Variants in TF observed in about 807,000 individuals in gnomAD.
The protein encoded by TF is transferrin, also known as serotransferrin.
In TF, 55 loss-of-function variants were observed where a neutral mutation model predicts 82.4. The ratio of observed to expected loss-of-function variants is 0.67; its 90% confidence interval spans 0.54 to 0.84. TF has a LOEUF of 0.84. TF is among the 40% of genes least tolerant of loss of function. TF has a pLI of 0.00. For missense variants in TF, 737 were observed against 868.4 expected (o/e 0.85, Z 1.90); for synonymous variants, 332 against 332.6 (o/e 1.00, Z 0.02).
chr3:133,743,499 G>T (rs951137288), upstream of TF, among the ~76,000 whole-genome samples: 12 of 152,230 alleles, frequency 7.9e-5, no homozygotes, highest in South Asian at 2.1e-3. Context: ...GAGAGGCAGT[G>T]TCCCTGGTGG....
At chr3:133,669,371 T>G in the TF span, among the ~76,000 whole-genome samples, 1 of 152,158 alleles carries the variant, frequency 6.6e-6, no homozygotes, top group Non-Finnish European at 1.5e-5. Context: ...TGTCTAAAAG[T>G]CTGTTTTCTG....
chr3:133,736,354 C>T, the TF span, among the ~76,000 whole-genome samples: 1 of 152,118 alleles, frequency 6.6e-6, no homozygotes, highest in Non-Finnish European at 1.5e-5. Context: ...AAAAACATAA[C>T]AAATTGTAAA....
intron 12 of TF, among the ~76,000 whole-genome samples, chr3:133,767,647 C>A (rs568834334): frequency 1.3e-5 from 2 of 152,232 alleles, no homozygotes; most frequent in Non-Finnish European, 2.9e-5. Context: ...AGCAAAGGCT[C>A]TTCTAATGAA....
At chr3:133,711,731 G>A in the TF span, among the ~76,000 whole-genome samples, 1 of 152,158 alleles carries the variant, frequency 6.6e-6, no homozygotes, top group Admixed American at 6.5e-5. Flanking sequence ...GTGCAGATAT[G>A]ACCATATCCA....
the TF span, chr3:133,691,953 T>C: frequency 1.3e-5 from 2 of 152,718 alleles, no homozygotes; most frequent in Non-Finnish European, 2.9e-5. Flanking sequence ...CTCTTTGCAT[T>C]GAAGGAGGCT....
the TF span, chr3:133,709,385 T>C: frequency 6.5e-6 from 1 of 152,774 alleles, no homozygotes; most frequent in Non-Finnish European, 1.5e-5. Context: ...AGCCACCATA[T>C]GGAGATGGCA....
the TF span, among the ~76,000 whole-genome samples, chr3:133,735,783 C>A: frequency 6.6e-6 from 1 of 152,036 alleles, no homozygotes; most frequent in Non-Finnish European, 1.5e-5. Context: ...ACAAATAAAG[C>A]CTCCAAGAAA....
the TF span, among the ~76,000 whole-genome samples, chr3:133,719,256 CAG>C: frequency 5.9e-5 from 9 of 152,186 alleles, no homozygotes; most frequent in Non-Finnish European, 1.0e-4. Flanking sequence ...TGGATCCAAT[CAG>C]AGAGTCACCC....
chr3:133,669,394 C>G, the TF span, among the ~76,000 whole-genome samples: 1 of 152,202 alleles, frequency 6.6e-6, no homozygotes, highest in Admixed American at 6.5e-5. Context: ...TCTGCTCAAA[C>G]TAAGACAAAA....
At chr3:133,774,421 G>A (rs559573538) in intron 14 of TF, 6 of 152,160 alleles carry the variant, frequency 3.9e-5, no homozygotes, top group East Asian at 3.9e-4. Flanking sequence ...TAAGAAGAAC[G>A]AGCTTGATTT....
At chr3:133,765,030 A>G (rs1024778973) in intron 11 of TF, 123 bp downstream of exon 11, 1 of 943,002 alleles carries the variant, frequency 1.1e-6, no homozygotes, top group East Asian at 2.4e-5. Context: ...AATGCGAGAG[A>G]ATCATGGAAG....
At chr3:133,686,479 A>G in the TF span, among the ~76,000 whole-genome samples, 1 of 152,224 alleles carries the variant, frequency 6.6e-6, no homozygotes, top group Admixed American at 6.5e-5. Context: ...CAGATTCTAC[A>G]AAGAAGTTAA....
At chr3:133,701,769 TG>T in the TF span, among the ~76,000 whole-genome samples, 1 of 152,178 alleles carries the variant, frequency 6.6e-6, no homozygotes, top group Non-Finnish European at 1.5e-5. Context: ...TTCTGAGAAG[TG>T]AGTTCCCCAT....
the TF span, among the ~76,000 whole-genome samples, chr3:133,702,365 C>T: frequency 6.6e-6 from 1 of 152,030 alleles, no homozygotes; most frequent in Non-Finnish European, 1.5e-5. Flanking sequence ...GGGTGACATT[C>T]CGGGCTATGG....
chr3:133,706,604 C>G, the TF span, among the ~76,000 whole-genome samples: 1 of 151,834 alleles, frequency 6.6e-6, no homozygotes, highest in Non-Finnish European at 1.5e-5. Context: ...AAATTTAATG[C>G]GCATTATGGT....
the TF span, among the ~76,000 whole-genome samples, chr3:133,674,605 A>G: frequency 1.3e-5 from 2 of 152,158 alleles, no homozygotes; most frequent in Non-Finnish European, 2.9e-5. Context: ...ACGGAGAATG[A>G]GGCTCGCTAT....
chr3:133,671,831 AGAAG>A, the TF span, among the ~76,000 whole-genome samples: 10 of 151,656 alleles, frequency 6.6e-5, no homozygotes, highest in African/African-American at 9.6e-5. Flanking sequence ...AAAAAGGAGA[AGAAG>A]GAAAGAAAGA....
At chr3:133,708,080 A>G in the TF span, among the ~76,000 whole-genome samples, 8 of 152,342 alleles carry the variant, frequency 5.3e-5, no homozygotes, top group African/African-American at 1.9e-4. Context: ...AGAAAAACTT[A>G]AACAAGTGCA....
chr3:133,732,856 G>A, the TF span, among the ~76,000 whole-genome samples: 1 of 152,288 alleles, frequency 6.6e-6, no homozygotes. Context: ...ATGGGGAATT[G>A]GGGCACTGAG....
Sources: allele counts gnomAD v4.1 joint callset (sites outside exome capture counted in the v4.1 genomes callset), GRCh38; gene constraint gnomAD v4.1.1; transcripts MANE v1.5; gene names NCBI Gene and HGNC (gene_info 2026-07-23, HGNC 2026-07-21).